PSG9: variants seen among roughly 807,000 people sequenced by gnomAD.
PSG9 encodes the protein pregnancy-specific beta-1-glycoprotein 9.
In PSG9, 49 loss-of-function variants were observed where a neutral mutation model predicts 41.9. The ratio of observed to expected loss-of-function variants is 1.17; its 90% CI spans 0.93 to 1.48. The LOEUF (loss-of-function observed/expected upper bound fraction) is 1.48. Among genes scored for constraint, PSG9 ranks in the 40% most tolerant of loss-of-function variants. The pLI is 0.00. For synonymous variants in PSG9, 263 were observed against 196.8 expected (o/e 1.34, Z -2.82); for missense variants, 641 against 520.3 (o/e 1.23, Z -2.26).
At position 43,259,956 on chromosome 19, in the gene PSG9, G is replaced by A. The variant is rs1009118096; in HGVS notation, c.710-821C>T. On this transcript the variant is annotated intron_variant, in intron 3 of 5. Transcript: ENST00000270077. ...GAAATACATGTGGACATTTGCAAATGCAGAACTGACTGGTGGAAAGTGTGG... is the reference window on the plus strand; with the variant it reads ...GAAATACATGTGGACATTTGCAAATACAGAACTGACTGGTGGAAAGTGTGG... The A allele has an allele frequency of 4.1e-5, 6 of 147,206 alleles. 2 individuals carry two copies. The highest frequency in any genetic ancestry group is 5.1e-5 in the African/African-American group (2 of 38,840). The allele number at this position is 147,206 out of a possible 1,614,324, so 9.1% of individuals were successfully genotyped here. A position where few individuals can be genotyped will look rare whatever the true frequency, so the allele number is the denominator to read the frequency against.
chr19:43,265,144 A>G (rs938564951), intron 2 of PSG9, among the ~76,000 whole-genome samples: 2 of 152,140 alleles, frequency 1.3e-5, no homozygotes, highest in African/African-American at 4.8e-5. Flanking sequence ...TTGAAGCAAG[A>G]ATGATAATAG....
intron 3 of PSG9, among the ~76,000 whole-genome samples, chr19:43,260,979 CT>C (rs1599827416): frequency 6.6e-6 from 1 of 152,174 alleles, no homozygotes; most frequent in East Asian, 1.9e-4. Flanking sequence ...AATTGAAATC[CT>C]TTCCTTAACT....
chr19:43,259,228 A>T (rs1968596076), intron 3 of PSG9, 93 bp from the exon 4 acceptor site: 2 of 1,514,078 alleles, frequency 1.3e-6, no homozygotes, highest in Non-Finnish European at 1.8e-6. Flanking sequence ...CCCACCTCTC[A>T]GCCCACCCGA....
rs1599846551 is a variant in PSG9, at chr19:43,269,504, C to G, written c.-73G>C. On this transcript the variant is annotated 5_prime_UTR_variant, in exon 1 of 6. Coordinates refer to ENST00000270077, the MANE Select transcript of PSG9 (RefSeq NM_002784.5). ...CCAGAAGCTGTCTGAGCACGGCTGT[C>G]AGCTGTGCTGTCCTTCCTCCTTCTG... 1.3e-6 allele frequency: 2 copies of G among 1,594,572 alleles called. No individual in the cohort carries two copies. Among genetic ancestry groups the G allele is most frequent in the Non-Finnish European group, 1.7e-6 (2 of 1,165,846 alleles).
intron 5 of PSG9, among the ~76,000 whole-genome samples, chr19:43,254,341 G>A (rs1460605530): frequency 2.0e-5 from 3 of 146,410 alleles, no homozygotes; most frequent in Admixed American, 2.0e-4. Context: ...TTGACCTCAA[G>A]GCTAATGATG....
In PSG9 at chr19:43,266,455, G is replaced by A. The variant is rs577058901; in HGVS notation, c.430+1329C>T. The stretch of plus-strand genomic sequence containing the variant: ...TGAGTGTGTGTCTCTCGCTGGGCCT[G>A]TGCTGGTGTAGGGTGTGAGTGGGGA... On this transcript the variant is annotated intron_variant, in intron 2 of 5. Transcript: ENST00000270077. Among the ~76,000 whole-genome samples, 39 of 152,126 alleles carry A rather than the reference G, an allele frequency of 2.6e-4. 1 individual carries two copies. In the East Asian group the frequency reaches 6.2e-3, roughly 24 times the overall value.
chr19:43,267,767 C>A lies in PSG9; in HGVS notation c.430+17G>T. On this transcript the variant is annotated intron_variant, in intron 2 of 5. Transcript: ENST00000270077. ...CCCCTTCCCCCCAACACCCAGGGAT[C>A]ATGTGGAATCACTCACAGTATAAGG... 6.2e-7 allele frequency: 1 copy of A among 1,612,360 alleles called. No homozygotes were observed. The highest frequency in any genetic ancestry group is 1.1e-5 in the South Asian group (1 of 90,812).
intron 1 of PSG9, among the ~76,000 whole-genome samples, chr19:43,268,742 T>A (rs1203980555): frequency 6.6e-6 from 1 of 150,536 alleles, no homozygotes; most frequent in Non-Finnish European, 1.5e-5. Context: ...CCCTGGGTGT[T>A]TTTTTTTCCC....
rs1250130465 is a variant in PSG9, at chr19:43,258,019, A to G, written c.1243+183T>C. ...CCAGACACAAGGTCAGCCATAAGAA[A>G]ACAGAAAAACAAGGAGAAGAGAGTC... On this transcript the variant is annotated intron_variant, in intron 5 of 5. Transcript: ENST00000270077. The G allele has an allele frequency of 1.9e-6, 3 of 1,541,126 alleles. No individual in the cohort carries two copies. In the South Asian group the frequency reaches 3.7e-5, roughly 19 times the overall value.
chr19:43,263,105 T>TC (rs1307102701), intron 2 of PSG9, among the ~76,000 whole-genome samples: 1 of 152,156 alleles, frequency 6.6e-6, no homozygotes, highest in Non-Finnish European at 1.5e-5. Context: ...TACTGTCTGA[T>TC]CTGAGTTTGA....
In PSG9 at chr19:43,255,117, A is replaced by AG. The variant is rs1279171725; in HGVS notation, c.1244-1472_1244-1471insC. 4.0e-3 allele frequency among the ~76,000 whole-genome samples: 537 copies of AG among 134,666 alleles called. 42 individuals are homozygous for AG. The highest frequency in any genetic ancestry group is 0.013 in the African/African-American group (455 of 34,882). 88.3% of individuals were successfully genotyped at this position (134,666 alleles called of 152,430 possible). ...TCTCTCTCTCTTCCAAAAAAAAAAA[A>AG]AAAGAAAGAAAGAAAGAAAAATGAA... On this transcript the variant is annotated intron_variant, in intron 5 of 5. Transcript: ENST00000270077.
At position 43,258,549 on chromosome 19, in the gene PSG9, A is replaced by T. The variant is rs1968550062; in HGVS notation, c.989-93T>A. ...AGGGACACAGTGACCCTCTGAGCCAAGACACACCCTCAAGTCCCAGCCAAA... is the reference window on the plus strand; with the variant it reads ...AGGGACACAGTGACCCTCTGAGCCATGACACACCCTCAAGTCCCAGCCAAA... On this transcript the variant is annotated intron_variant, in intron 4 of 5. Coordinates refer to ENST00000270077, the MANE Select transcript of PSG9 (RefSeq NM_002784.5). 20 of 1,485,614 alleles carry T rather than the reference A, an allele frequency of 1.3e-5. 2 individuals are homozygous for T. Among genetic ancestry groups the T allele is most frequent in the South Asian group, 2.8e-5 (2 of 71,886 alleles). 92.0% of individuals were successfully genotyped at this position (1,485,614 alleles called of 1,614,324 possible).
At position 43,269,379 on chromosome 19, in the gene PSG9, A is replaced by G. The variant is rs762299111; in HGVS notation, c.53T>C (p.Leu18Pro). 20 of 1,613,220 alleles carry G rather than the reference A, an allele frequency of 1.2e-5. No individual in the cohort carries two copies. The highest frequency in any genetic ancestry group is 1.4e-5 in the Non-Finnish European group (17 of 1,179,644). ...SCTQRITWKG[L>P]LLTASLLNFW... ...AGTTCTCTCCTCACCTGTGAGCAGGAGCCCCTTCCAGGTGATGCGCTGTGT... is the reference window on the plus strand; with the variant it reads ...AGTTCTCTCCTCACCTGTGAGCAGGGGCCCCTTCCAGGTGATGCGCTGTGT... The change falls in exon 1 of 6, where the codon CTC (leucine) becomes CCC (proline). Residue 18 changes from leucine (L) to proline (P), a missense_variant. By Grantham distance (98) the Leu-to-Pro change is moderately conservative (BLOSUM62 -3). Transcript: ENST00000270077.
rs755222536 is a variant in PSG9 at position 43,262,154 on chromosome 19, A to G, written c.431-16T>C. On this transcript the variant is annotated splice_polypyrimidine_tract_variant and intron_variant, in intron 2 of 5. Transcript: ENST00000270077. ...GGAGTCTCCACTGTGCAGAAAACAG[A>G]GAGAAGATTGCCCTGTGTGGCACCT... The G allele has an allele frequency of 3.7e-6, 6 of 1,608,162 alleles. No homozygotes were observed. Among genetic ancestry groups the G allele is most frequent in the Admixed American group, 1.7e-5 (1 of 59,658 alleles).
chr19:43,262,087 G>A lies in PSG9; in HGVS notation c.482C>T (p.Ala161Val), dbSNP rs780251822. The A allele has an allele frequency of 1.1e-5, 17 of 1,613,822 alleles. No homozygotes were observed. Among genetic ancestry groups the A allele is most frequent in the African/African-American group, 9.3e-5 (7 of 74,898 alleles). Residue 161 changes from alanine to valine, a missense_variant, in exon 3 of 6, where the codon GCC becomes GTC. Transcript: ENST00000270077. ...ISSSNLNPREAMEAVRLICDP... is the reference protein window; with the variant it reads ...ISSSNLNPREVMEAVRLICDP... ...ACAGATTAAGCGCACAGCCTCCATG[G>A]CCTCCCTGGGGTTTAAGTTGCTGCT...
chr19:43,264,262 T>C (rs1968861925), intron 2 of PSG9, among the ~76,000 whole-genome samples: 1 of 152,158 alleles, frequency 6.6e-6, no homozygotes, highest in African/African-American at 2.4e-5. Context: ...AACTACAAAA[T>C]TTAAAAATTG....
At chr19:43,262,851 G>A (rs1387664986) in intron 2 of PSG9, among the ~76,000 whole-genome samples, 2 of 152,148 alleles carry the variant, frequency 1.3e-5, no homozygotes, top group Non-Finnish European at 2.9e-5. Context: ...GATAGCTTTC[G>A]ACCAAGACCA....
At chr19:43,262,784 C>A (rs181354104) in intron 2 of PSG9, among the ~76,000 whole-genome samples, 11 of 152,256 alleles carry the variant, frequency 7.2e-5, no homozygotes, top group African/African-American at 1.7e-4. Flanking sequence ...TGACCTCTAA[C>A]GATAGAGCAG....
intron 2 of PSG9, among the ~76,000 whole-genome samples, chr19:43,267,574 G>A (rs1386173542): frequency 1.3e-5 from 2 of 152,090 alleles, no homozygotes; most frequent in Non-Finnish European, 2.9e-5. Flanking sequence ...CCTCTGCAGC[G>A]AGTGTCTGCA....
Sources: gnomAD v4.1 joint callset for allele counts (sites outside exome capture counted in the v4.1 genomes callset) on GRCh38, gnomAD v4.1.1 for gene constraint, MANE v1.5 for transcripts, NCBI Gene and HGNC (gene_info 2026-07-23, HGNC 2026-07-21) for gene names.